Variants in COL4A2 observed in about 807,000 individuals in gnomAD.
COL4A2 encodes the protein collagen type IV alpha 2 chain.
Under a neutral mutation model 200.2 loss-of-function variants are expected in COL4A2, and 99 were observed. The ratio of observed to expected loss-of-function variants is 0.49; its 90% CI spans 0.42 to 0.58. The LOEUF (loss-of-function observed/expected upper bound fraction) is 0.58, where lower values mean the gene tolerates loss of function less well. Ranked by LOEUF, COL4A2 falls within the 20% of genes least tolerant of loss-of-function variation. COL4A2 has a pLI of 0.00. For missense variants in COL4A2, 1,950 were observed against 2,314.1 expected, an observed-to-expected ratio of 0.84 and a Z score of 3.23; for synonymous variants, 897 against 900.6, an observed-to-expected ratio of 1.00 and a Z score of 0.07.
intron 32 of COL4A2, among the ~76,000 whole-genome samples, chr13:110,484,293 G>A (rs1883035892): frequency 6.6e-6 from 1 of 152,120 alleles, no homozygotes; most frequent in African/African-American, 2.4e-5. Context: ...TAAATGCTTA[G>A]AGACTGAAGC....
rs1182947735 is a variant in COL4A2, at chr13:110,370,576, GTGT to G, written c.180+13035_180+13037del. 5.9e-5 allele frequency among the ~76,000 whole-genome samples: 9 copies of G among 152,274 alleles called. No individual in the cohort carries two copies. The South Asian group carries it at 6.2e-4, about 11-fold the overall frequency. ...AGCTTTGTATTTTGTTGTTGTTGTT[GTGT>G]TGTTGTTGTTTTTCTGCTTCTTCAC... On this transcript the variant is annotated intron_variant, in intron 4 of 47. Coordinates refer to ENST00000360467, the MANE Select transcript of COL4A2 (RefSeq NM_001846.4).
rs191822580 is a variant in COL4A2, at chr13:110,431,791, T to G, written c.649-534T>G. On this transcript the variant is annotated intron_variant, in intron 10 of 47. Transcript: ENST00000360467. Reference sequence around the variant, plus strand: ...TATCCACTTATTTGTACTTAAACACTCTTCCCCTGCATCTGAAATGCTTTA... The same window carrying G: ...TATCCACTTATTTGTACTTAAACACGCTTCCCCTGCATCTGAAATGCTTTA... Among the ~76,000 whole-genome samples, 46 of 152,340 alleles carry G rather than the reference T, an allele frequency of 3.0e-4. No individual in the cohort carries two copies. In the Middle Eastern group the frequency reaches 0.01, roughly 34 times the overall value.
chr13:110,478,238 G>C, intron 30 of COL4A2, 74 bp downstream of exon 30: 3 of 1,393,576 alleles, frequency 2.2e-6, no homozygotes, highest in Non-Finnish European at 2.8e-6. Flanking sequence ...CTGTCTTCTT[G>C]TGGAGCTCTC....
In COL4A2 at chr13:110,307,990, G is replaced by A. The variant is rs561495522; in HGVS notation, c.44+43G>A. 6.2e-7 allele frequency: 1 copy of A among 1,611,900 alleles called. No homozygotes were observed. Among genetic ancestry groups the A allele is most frequent in the Admixed American group, 1.7e-5 (1 of 59,974 alleles). On this transcript the variant is annotated intron_variant, in intron 2 of 47. Coordinates refer to ENST00000360467, the MANE Select transcript of COL4A2 (RefSeq NM_001846.4). The surrounding 1 kb of genome is among the most constrained non-coding windows in gnomAD (Gnocchi z 5.0). ...TGGTCCCCGTGGGTCACGCGCGCAT[G>A]GACCCTTCGGTGTAACTCTCGGGGA...
At chr13:110,354,072 C>T (rs988475298) in intron 3 of COL4A2, among the ~76,000 whole-genome samples, 2 of 152,188 alleles carry the variant, frequency 1.3e-5, no homozygotes, top group African/African-American at 4.8e-5. Context: ...AATTTGAAAC[C>T]ATTCAAATCA....
chr13:110,388,616 G>T (rs1878863911), intron 4 of COL4A2, among the ~76,000 whole-genome samples: 1 of 152,152 alleles, frequency 6.6e-6, no homozygotes, highest in Non-Finnish European at 1.5e-5. Context: ...TGGTGAAAAA[G>T]TGTCCCTGTG....
intron 18 of COL4A2, among the ~76,000 whole-genome samples, chr13:110,449,214 C>T (rs764744847): frequency 3.5e-4 from 54 of 152,342 alleles, no homozygotes; most frequent in Non-Finnish European, 5.3e-4. Flanking sequence ...TACAGTAAAG[C>T]GTTGCTATTT....
intron 37 of COL4A2, among the ~76,000 whole-genome samples, chr13:110,491,602 T>C (rs1453992037): frequency 6.6e-6 from 1 of 152,190 alleles, no homozygotes; most frequent in Non-Finnish European, 1.5e-5. Flanking sequence ...GTCTCTCATA[T>C]AGAAGCCGAC....
intron 4 of COL4A2, 23 bp downstream of exon 4, chr13:110,357,575 A>G (rs766714150): frequency 6.4e-7 from 1 of 1,560,146 alleles, no homozygotes; most frequent in Non-Finnish European, 8.7e-7. Flanking sequence ...ATTGCAATAA[A>G]TAATATTATC....
rs370679299 is a variant in COL4A2, at chr13:110,489,494, C to T, written c.3257C>T (p.Ala1086Val). The change falls in exon 35 of 48, where the codon GCG becomes GTG. Residue 1086 changes from alanine to valine, a missense_variant. Around this residue, in one of 2 missense-constraint regions of COL4A2, gnomAD observed 1,385 missense variants for 1,720.5 expected, o/e 0.80. Transcript: ENST00000360467. ...GRAGLYGEIGATGDFGDIGDT... is the reference protein window; with the variant it reads ...GRAGLYGEIGVTGDFGDIGDT... ...GCAGGCCTGTATGGCGAGATTGGCGCGACTGGTGATTTCGGTGAGTGTTGC... is the reference window on the plus strand; with the variant it reads ...GCAGGCCTGTATGGCGAGATTGGCGTGACTGGTGATTTCGGTGAGTGTTGC... 1.0e-4 allele frequency: 166 copies of T among 1,613,998 alleles called. No homozygotes were observed. In the Middle Eastern group the frequency reaches 1.2e-3, roughly 11 times the overall value.
intron 3 of COL4A2, among the ~76,000 whole-genome samples, chr13:110,310,400 G>A (rs1480500847): frequency 6.6e-6 from 1 of 152,216 alleles, no homozygotes; most frequent in East Asian, 1.9e-4. Flanking sequence ...ACAGTATTGG[G>A]TTGAGAGGCA....
intron 7 of COL4A2, 83 bp downstream of exon 7, chr13:110,428,666 G>A (rs112126312): frequency 3.4e-5 from 24 of 704,406 alleles, no homozygotes; most frequent in Middle Eastern, 7.2e-4. Flanking sequence ...GGAGCCTCCC[G>A]CTCACTGTGG....
At chr13:110,425,471 A>G (rs936938016) in intron 6 of COL4A2, among the ~76,000 whole-genome samples, 36 of 152,214 alleles carry the variant, frequency 2.4e-4, no homozygotes, top group African/African-American at 8.0e-4. Flanking sequence ...AAAATGCAAT[A>G]AAATGTGTTT....
chr13:110,374,369 C>A (rs1878146910), intron 4 of COL4A2, among the ~76,000 whole-genome samples: 1 of 152,180 alleles, frequency 6.6e-6, no homozygotes, highest in South Asian at 2.1e-4. Context: ...TGAGGGGCAT[C>A]CTTTAAAATC....
At chr13:110,428,612 AG>A in intron 7 of COL4A2, 29 bp downstream of exon 7, 1 of 1,301,024 alleles carries the variant, frequency 7.7e-7, no homozygotes, top group South Asian at 1.5e-5. Context: ...CCTGTGCTCC[AG>A]GGACGGGCAG....
intron 6 of COL4A2, among the ~76,000 whole-genome samples, chr13:110,427,464 A>G (rs1880511493): frequency 6.6e-6 from 1 of 152,176 alleles, no homozygotes; most frequent in African/African-American, 2.4e-5. Context: ...TTGTTTCTTT[A>G]TCTTGAAATT....
chr13:110,512,482 A>AT lies in COL4A2; in HGVS notation c.*292dup. The AT allele has an allele frequency of 2.2e-6, 1 of 459,328 alleles. No individual in the cohort carries two copies. The highest frequency in any genetic ancestry group is 3.9e-6 in the Non-Finnish European group (1 of 258,106). 28.5% of individuals were successfully genotyped at this position (459,328 alleles called of 1,614,324 possible). ...ACAGCTAACCACTTCGCACACACCCATGTAACCACTGCACTTTCCAATGCC... is the reference window on the plus strand; with the variant it reads ...ACAGCTAACCACTTCGCACACACCCATTGTAACCACTGCACTTTCCAATGCC... On this transcript the variant is annotated 3_prime_UTR_variant, in exon 48 of 48. Transcript: ENST00000360467.
chr13:110,308,510 G>A (rs1261110005), intron 3 of COL4A2, among the ~76,000 whole-genome samples: 1 of 152,184 alleles, frequency 6.6e-6, no homozygotes, highest in Non-Finnish European at 1.5e-5. Flanking sequence ...CTCGGGAGCT[G>A]GTGGGGAGTC....
At chr13:110,328,096 T>G (rs900739908) in intron 3 of COL4A2, among the ~76,000 whole-genome samples, 12 of 152,194 alleles carry the variant, frequency 7.9e-5, no homozygotes, top group Non-Finnish European at 1.8e-4. Context: ...AGTCTTCAGT[T>G]AAATTAATAG....
Sources: allele counts gnomAD v4.1 joint callset (sites outside exome capture counted in the v4.1 genomes callset), GRCh38; gene constraint gnomAD v4.1.1; regional missense constraint gnomAD v4.1.1; non-coding constraint Gnocchi (gnomAD v3.1); transcripts MANE v1.5; gene names NCBI Gene and HGNC (gene_info 2026-07-23, HGNC 2026-07-21).